Variants in RBM6 observed in about 807,000 individuals in gnomAD.
RBM6 encodes the protein RNA-binding protein 6.
Under a neutral mutation model 140.4 loss-of-function variants are expected in RBM6, and 23 were observed. The observed-to-expected ratio is 0.16, with a 90% CI of 0.12 to 0.23. The LOEUF is 0.23. Among genes scored for constraint, RBM6 ranks in the 10% least tolerant of loss-of-function variants. The pLI is 1.00. For missense variants in RBM6, 1,139 were observed against 1,386.7 expected, an observed-to-expected ratio of 0.82 and a Z score of 2.84; for synonymous variants, 439 against 475.6, an observed-to-expected ratio of 0.92 and a Z score of 1.00.
chr3:50,071,396 C>T (rs1451726172), intron 19 of RBM6, among the ~76,000 whole-genome samples: 1 of 152,194 alleles, frequency 6.6e-6, no homozygotes, highest in East Asian at 1.9e-4. Flanking sequence ...ATTGACTTAG[C>T]TTTGCATTTT....
At chr3:49,945,919 A>G (rs950947459) in intron 1 of RBM6, among the ~76,000 whole-genome samples, 4 of 147,988 alleles carry the variant, frequency 2.7e-5, no homozygotes, top group African/African-American at 5.0e-5. Context: ...AGATATAAGG[A>G]TGAGACCTTA....
chr3:50,043,523 T>TATATAC (rs935226487), intron 6 of RBM6, among the ~76,000 whole-genome samples: 31 of 151,896 alleles, frequency 2.0e-4, no homozygotes, highest in African/African-American at 4.1e-4. Context: ...CTCTTCTTTT[T>TATATAC]ATATACATAT....
intron 6 of RBM6, among the ~76,000 whole-genome samples, chr3:50,045,931 A>G (rs1430612898): frequency 6.6e-6 from 1 of 152,100 alleles, no homozygotes; most frequent in African/African-American, 2.4e-5. Flanking sequence ...AAATTTAGGG[A>G]ACTCAGCCTA....
chr3:49,971,141 G>A (rs2084769200), intron 3 of RBM6, among the ~76,000 whole-genome samples: 2 of 150,092 alleles, frequency 1.3e-5, no homozygotes, highest in African/African-American at 2.4e-5. Flanking sequence ...TGATGCATGT[G>A]TGTAATCCCA....
At chr3:49,983,085 T>G (rs564227415) in intron 5 of RBM6, among the ~76,000 whole-genome samples, 1 of 152,206 alleles carries the variant, frequency 6.6e-6, no homozygotes, top group Non-Finnish European at 1.5e-5. Context: ...GCTCAAGCAA[T>G]CCTCCTGCCT....
At chr3:50,049,604 T>C (rs1297076205) in intron 7 of RBM6, among the ~76,000 whole-genome samples, 4 of 152,156 alleles carry the variant, frequency 2.6e-5, no homozygotes, top group African/African-American at 4.8e-5. Flanking sequence ...CTCGGTAGAA[T>C]TGACATTGTG....
chr3:49,975,652 A>C (rs1338915422), intron 5 of RBM6, among the ~76,000 whole-genome samples: 1 of 152,214 alleles, frequency 6.6e-6, no homozygotes, highest in Non-Finnish European at 1.5e-5. Context: ...AATTGCCTTG[A>C]ATATATTTTA....
chr3:50,053,088 C>A lies in RBM6; in HGVS notation c.1633-1247C>A, dbSNP rs532575313. ...CAATGAAATAACTGACTGTAGTGAT[C>A]TTCCTCAAGTGAGTTAACCTCTCTA... On this transcript the variant is annotated intron_variant, in intron 7 of 20. Coordinates refer to ENST00000266022, the MANE Select transcript of RBM6 (RefSeq NM_005777.3). Among the ~76,000 whole-genome samples the A allele has an allele frequency of 5.8e-4, 88 of 151,444 alleles. 3 individuals are homozygous for A. The South Asian group carries it at 0.018, about 30-fold the overall frequency.
chr3:50,063,224 C>T (rs144591435), intron 15 of RBM6, among the ~76,000 whole-genome samples: 39 of 152,252 alleles, frequency 2.6e-4, no homozygotes, highest in African/African-American at 8.7e-4. Flanking sequence ...TAATATATAA[C>T]ATTTAGCATT....
At chr3:50,071,585 G>A (rs1430279689) in intron 19 of RBM6, among the ~76,000 whole-genome samples, 3 of 152,104 alleles carry the variant, frequency 2.0e-5, no homozygotes, top group Non-Finnish European at 4.4e-5. Context: ...CTTGAGCCTA[G>A]GAGTTCCAGG....
intron 6 of RBM6, among the ~76,000 whole-genome samples, chr3:50,024,948 G>A (rs1159763642): frequency 7.3e-5 from 11 of 151,032 alleles, no homozygotes; most frequent in Middle Eastern, 3.2e-3. Context: ...CCGAGATTGC[G>A]CCACTGCACT....
At chr3:49,971,961 C>T (rs2084812415) in intron 3 of RBM6, 98 bp from the exon 4 acceptor site, 1 of 852,756 alleles carries the variant, frequency 1.2e-6, no homozygotes, top group African/African-American at 1.7e-5. Flanking sequence ...CGTGACATGT[C>T]ATTATCATTT....
chr3:50,015,046 CAAAAAAAAAAAAAA>C (rs71080566), intron 6 of RBM6, among the ~76,000 whole-genome samples: 2 of 52,852 alleles, frequency 3.8e-5, no homozygotes, highest in Non-Finnish European at 6.2e-5. Flanking sequence ...GAGACTGTCT[CAAAAAAAAAAAAAA>C]AAAAAAAAAA....
At chr3:49,999,704 C>T (rs1025946688) in intron 6 of RBM6, among the ~76,000 whole-genome samples, 191 bp downstream of exon 6, 5 of 151,174 alleles carry the variant, frequency 3.3e-5, no homozygotes, top group African/African-American at 1.2e-4. Context: ...ACTTAATGGG[C>T]ACAGAGTGCA....
At chr3:49,999,725 T>TAG (rs1364334792) in intron 6 of RBM6, among the ~76,000 whole-genome samples, 3 of 151,246 alleles carry the variant, frequency 2.0e-5, no homozygotes, top group African/African-American at 7.3e-5. Context: ...TTTTAAAAGC[T>TAG]AGAGCCCAGT....
At chr3:50,029,100 A>G (rs1279573955) in intron 6 of RBM6, among the ~76,000 whole-genome samples, 1 of 152,210 alleles carries the variant, frequency 6.6e-6, no homozygotes, top group Non-Finnish European at 1.5e-5. Flanking sequence ...TGGAAGGTAC[A>G]AGGTAGGTCA....
chr3:49,967,668 G>T lies in RBM6; in HGVS notation c.243G>T (p.Pro81=), dbSNP rs182256104. ...HSFSYGARDG[P]HGDYRGGEGP... ...TCAGCTATGGAGCTAGAGACGGACCGCATGGTGACTATCGAGGAGGGGAGG... is the reference window on the plus strand; with the variant it reads ...TCAGCTATGGAGCTAGAGACGGACCTCATGGTGACTATCGAGGAGGGGAGG... The change falls in exon 3 of 21, where the codon CCG becomes CCT. Residue 81 remains proline, a synonymous_variant. Transcript: ENST00000266022. The surrounding 1 kb of genome is among the most constrained non-coding windows in gnomAD (Gnocchi z 4.0). 20 of 1,614,090 alleles carry T rather than the reference G, an allele frequency of 1.2e-5. No individual in the cohort carries two copies. The Admixed American group carries it at 1.8e-4, about 15-fold the overall frequency.
intron 6 of RBM6, among the ~76,000 whole-genome samples, chr3:50,021,954 G>A (rs945434004): frequency 2.6e-5 from 4 of 151,398 alleles, no homozygotes; most frequent in South Asian, 2.1e-4. Flanking sequence ...GAGAAGGGAG[G>A]TAGGAGAATC....
intron 6 of RBM6, among the ~76,000 whole-genome samples, chr3:50,046,511 G>A (rs868120316): frequency 5.9e-5 from 9 of 151,604 alleles, no homozygotes; most frequent in Middle Eastern, 3.4e-3. Flanking sequence ...CCTGGGAGGC[G>A]GAGGTTGCAG....
Sources: gnomAD v4.1 joint callset for allele counts (sites outside exome capture counted in the v4.1 genomes callset) on GRCh38, gnomAD v4.1.1 for gene constraint, Gnocchi (gnomAD v3.1) non-coding constraint, MANE v1.5 for transcripts, NCBI Gene and HGNC (gene_info 2026-07-23, HGNC 2026-07-21) for gene names.